NAA15: variants seen among roughly 807,000 people sequenced by gnomAD.
NAA15 encodes N-alpha-acetyltransferase 15, NatA auxiliary subunit.
A neutral mutation model predicts 114.0 loss-of-function variants in NAA15; 34 were observed. That is an observed-to-expected ratio of 0.30 (90% CI 0.23 to 0.40). NAA15 has a LOEUF of 0.40. NAA15 is among the 10% of genes least tolerant of loss of function. The pLI, the probability that NAA15 is intolerant of heterozygous loss-of-function variation, is 1.00. For synonymous variants in NAA15, 340 were observed against 338.0 expected (o/e 1.01, Z -0.06); for missense variants, 658 against 1,004.5 (o/e 0.66, Z 4.66).
At chr4:139,324,829 G>A (rs779204485) in intron 1 of NAA15, among the ~76,000 whole-genome samples, 4 of 151,978 alleles carry the variant, frequency 2.6e-5, no homozygotes, top group Admixed American at 6.6e-5. Context: ...AGTGCATTTC[G>A]TGAAAAAAAT....
In NAA15 at chr4:139,301,601, G is replaced by C; in HGVS notation, c.-177G>C. Reference sequence around the variant, plus strand: ...CAGCGTTAAGTGAGAAAGGAAAAAAGACAACGAGGAAAAAGGAGGTGTCCG... The same window carrying C: ...CAGCGTTAAGTGAGAAAGGAAAAAACACAACGAGGAAAAAGGAGGTGTCCG... On this transcript the variant is annotated 5_prime_UTR_variant, in exon 1 of 20. Coordinates refer to ENST00000296543, the MANE Select transcript of NAA15 (RefSeq NM_057175.5). 1.5e-6 allele frequency: 1 copy of C among 663,314 alleles called. No individual in the cohort carries two copies. The highest frequency in any genetic ancestry group is 4.1e-4 in the Middle Eastern group (1 of 2,434). The allele number at this position is 663,314 out of a possible 1,614,324, so 41.1% of individuals were successfully genotyped here.
intron 1 of NAA15, among the ~76,000 whole-genome samples, chr4:139,314,150 A>G (rs1746306618): frequency 6.6e-6 from 1 of 152,002 alleles, no homozygotes; most frequent in African/African-American, 2.4e-5. Flanking sequence ...GAAGGATTAC[A>G]GTTTGTAAAT....
intron 6 of NAA15, among the ~76,000 whole-genome samples, chr4:139,345,749 T>A (rs1458201589): frequency 6.6e-6 from 1 of 152,092 alleles, no homozygotes; most frequent in Non-Finnish European, 1.5e-5. Context: ...TGAAACCTCG[T>A]CTCTACTAAA....
At chr4:139,317,879 T>A (rs2110855497) in intron 1 of NAA15, among the ~76,000 whole-genome samples, 2 of 152,344 alleles carry the variant, frequency 1.3e-5, no homozygotes, top group East Asian at 3.9e-4. Flanking sequence ...ATGTGTGTAA[T>A]CCTTGTTTTG....
chr4:139,348,939 C>T (rs970424741), intron 6 of NAA15, among the ~76,000 whole-genome samples: 39 of 152,194 alleles, frequency 2.6e-4, no homozygotes, highest in Middle Eastern at 3.4e-3. Context: ...ATTAGTGAGA[C>T]AGAAAGAAAA....
intron 12 of NAA15, 137 bp from the exon 13 acceptor site, chr4:139,360,363 T>G: frequency 1.6e-6 from 1 of 617,916 alleles, no homozygotes; most frequent in East Asian, 3.3e-5. Context: ...TTTCCCATGT[T>G]AACTATTCTT....
At chr4:139,336,613 A>G (rs1747209073) in intron 2 of NAA15, among the ~76,000 whole-genome samples, 1 of 152,164 alleles carries the variant, frequency 6.6e-6, no homozygotes, top group South Asian at 2.1e-4. Flanking sequence ...TTATCTTAAA[A>G]AAAAGGAGAG....
rs139221951 is a variant in NAA15 at position 139,304,342 on chromosome 4, A to G, written c.54+2511A>G. On this transcript the variant is annotated intron_variant, in intron 1 of 19. Transcript: ENST00000296543. ...CCCAACACTAATACCTTGCAAAACC[A>G]TGGTTCATTATTATAACATTGATAC... 1.4e-3 allele frequency among the ~76,000 whole-genome samples: 214 copies of G among 152,394 alleles called. 2 individuals carry two copies. Among genetic ancestry groups the G allele is most frequent in the African/African-American group, 4.9e-3 (202 of 41,602 alleles).
At chr4:139,374,192 A>G (rs936583828) in intron 15 of NAA15, among the ~76,000 whole-genome samples, 17 of 152,232 alleles carry the variant, frequency 1.1e-4, no homozygotes, top group African/African-American at 4.1e-4. Context: ...AAGTCAGTTT[A>G]TAAATTTAAA....
chr4:139,384,877 T>G lies in NAA15; in HGVS notation c.2201T>G (p.Leu734Ter). Residue 734 changes from leucine (L) to a stop codon, truncating the protein, a stop_gained, in exon 18 of 20, where the codon TTA becomes TGA. Transcript: ENST00000296543. LOFTEE classifies it high-confidence loss of function. Reference sequence around the variant, plus strand: ...TTATCTGATACAGTTAGAACAGTATTAAAACAAGAAATGAATCGTCTTTTT... The same window carrying G: ...TTATCTGATACAGTTAGAACAGTATGAAAACAAGAAATGAATCGTCTTTTT... ...KDLSDTVRTVLKQEMNRLFGA... is the reference protein window; with the variant it reads ...KDLSDTVRTV 6.4e-7 allele frequency: 1 copy of G among 1,554,284 alleles called. No homozygotes were observed. The highest frequency in any genetic ancestry group is 8.7e-7 in the Non-Finnish European group (1 of 1,147,090).
At chr4:139,308,006 G>C (rs1055791902) in intron 1 of NAA15, among the ~76,000 whole-genome samples, 4 of 151,990 alleles carry the variant, frequency 2.6e-5, no homozygotes, top group Non-Finnish European at 4.4e-5. Context: ...CTGTTGCCCA[G>C]GCTGGAGTGT....
At chr4:139,372,555 T>C (rs1023124672) in intron 15 of NAA15, among the ~76,000 whole-genome samples, 2 of 152,198 alleles carry the variant, frequency 1.3e-5, no homozygotes, top group African/African-American at 4.8e-5. Flanking sequence ...CTTCCTCAGC[T>C]AACTTCCTCC....
At chr4:139,332,562 T>C (rs1253421328) in intron 1 of NAA15, among the ~76,000 whole-genome samples, 1 of 150,302 alleles carries the variant, frequency 6.7e-6, no homozygotes, top group Non-Finnish European at 1.5e-5. Flanking sequence ...CTTGGTATTT[T>C]GGTTTGTATG....
intron 2 of NAA15, among the ~76,000 whole-genome samples, chr4:139,336,062 A>T (rs1382489389): frequency 6.6e-6 from 1 of 152,158 alleles, no homozygotes; most frequent in African/African-American, 2.4e-5. Flanking sequence ...CCTGGCCAAA[A>T]GTATTTTTAA....
At chr4:139,376,821 CTAT>C (rs1337885707) in intron 16 of NAA15, among the ~76,000 whole-genome samples, 2 of 152,094 alleles carry the variant, frequency 1.3e-5, no homozygotes, top group Non-Finnish European at 2.9e-5. Context: ...TAAATGTTAG[CTAT>C]TATTAGCTAT....
chr4:139,361,876 C>A lies in NAA15; in HGVS notation c.1692C>A (p.Ile564=), dbSNP rs770315010. ...YFKAARIAIE[I]YLKLHDNPLT... ...AGGCAGCAAGAATTGCTATAGAGAT[C>A]TATTTGAAGCTTCATGACAACCCCC... is the stretch of plus-strand genomic sequence containing the variant. The change falls in exon 14 of 20, where the codon ATC becomes ATA. Residue 564 remains isoleucine, a synonymous_variant. Coordinates refer to ENST00000296543, the MANE Select transcript of NAA15 (RefSeq NM_057175.5). 6.2e-7 allele frequency: 1 copy of A among 1,613,688 alleles called. No individual in the cohort carries two copies. Among genetic ancestry groups the A allele is most frequent in the South Asian group, 1.1e-5 (1 of 91,060 alleles).
At chr4:139,367,103 T>C (rs1748305781) in intron 14 of NAA15, among the ~76,000 whole-genome samples, 1 of 152,218 alleles carries the variant, frequency 6.6e-6, no homozygotes, top group African/African-American at 2.4e-5. Flanking sequence ...TCTTTTAATA[T>C]GAAATCCTGT....
chr4:139,385,283 A>ATAT (rs1553999084), intron 18 of NAA15, among the ~76,000 whole-genome samples: 3 of 100,490 alleles, frequency 3.0e-5, no homozygotes, highest in African/African-American at 1.1e-4. Context: ...ATATATATAT[A>ATAT]ATATATATAT....
chr4:139,375,491 A>G lies in NAA15; in HGVS notation c.1948-874A>G, dbSNP rs776637869. Among the ~76,000 whole-genome samples, 18 of 151,678 alleles carry G rather than the reference A, an allele frequency of 1.2e-4. No homozygotes were observed. The South Asian group carries it at 2.5e-3, about 21-fold the overall frequency. On this transcript the variant is annotated intron_variant, in intron 15 of 19. Transcript: ENST00000296543. ...TTCTTTTTTTAAATGCAGTGAAACA[A>G]TTTTCTTGCCCAGAAGCTGTTTTGG...
Sources: allele counts gnomAD v4.1 joint callset (sites outside exome capture counted in the v4.1 genomes callset), GRCh38; gene constraint gnomAD v4.1.1; transcripts MANE v1.5; gene names NCBI Gene and HGNC (gene_info 2026-07-23, HGNC 2026-07-21).